Variants in APLF observed in about 807,000 individuals in gnomAD.
APLF encodes aprataxin and PNKP like factor.
A neutral mutation model predicts 55.6 loss-of-function variants in APLF; 61 were observed. The ratio of observed to expected loss-of-function variants is 1.10; its 90% CI spans 0.89 to 1.36. APLF has a LOEUF of 1.36. APLF is among the 40% of genes most tolerant of loss of function. APLF has a pLI of 0.00. For synonymous variants in APLF, 207 were observed against 214.8 expected (o/e 0.96, Z 0.32); for missense variants, 611 against 602.5 (o/e 1.01, Z -0.15).
chr2:68,538,201 C>T lies in APLF; in HGVS notation c.1134C>T (p.Ser378=), dbSNP rs1186164558. ...AAGGAAACAAGGTCAAGAGGACATC[C>T]TGCATGTATGGGGCAAACTGCTATA... ...GSEGNKVKRT[S]CMYGANCYRK... Residue 378 remains serine, a synonymous_variant, in exon 7 of 10, where the codon TCC becomes TCT. Transcript: ENST00000303795. The T allele has an allele frequency of 6.2e-7, 1 of 1,607,822 alleles. No homozygotes were observed. Among genetic ancestry groups the T allele is most frequent in the Admixed American group, 1.7e-5 (1 of 58,350 alleles).
intron 8 of APLF, chr2:68,563,446 C>T (rs1302874658): frequency 1.3e-6 from 1 of 796,150 alleles, no homozygotes; most frequent in Non-Finnish European, 1.5e-6. Context: ...GCGAGTGCAA[C>T]TGGGAATGTT....
chr2:68,557,837 G>C (rs190163940), intron 8 of APLF, among the ~76,000 whole-genome samples: 4 of 152,138 alleles, frequency 2.6e-5, no homozygotes, highest in Admixed American at 1.3e-4. Context: ...CTTGAACCCG[G>C]GAGGTGGAGG....
chr2:68,485,448 C>T (rs1297981460), intron 1 of APLF, among the ~76,000 whole-genome samples: 1 of 152,094 alleles, frequency 6.6e-6, no homozygotes, highest in African/African-American at 2.4e-5. Context: ...AGTTTGTCCT[C>T]CTGTGGTGAT....
chr2:68,521,437 T>G (rs1244425458), intron 5 of APLF, among the ~76,000 whole-genome samples: 1 of 151,868 alleles, frequency 6.6e-6, no homozygotes, highest in Admixed American at 6.6e-5. Context: ...AGTTCTAATT[T>G]ATTTTATTTT....
intron 1 of APLF, among the ~76,000 whole-genome samples, chr2:68,469,157 G>A (rs561942133): frequency 1.3e-5 from 2 of 151,962 alleles, no homozygotes; most frequent in South Asian, 2.1e-4. Context: ...TTTTTTCATC[G>A]TTTGTTGGCC....
chr2:68,469,325 T>C (rs79743037), intron 1 of APLF, among the ~76,000 whole-genome samples: 3,882 of 152,182 alleles, frequency 0.026, 66 homozygotes, highest in South Asian at 0.043. Flanking sequence ...GTACTGTGGG[T>C]CTGGTTAAAA....
intron 9 of APLF, among the ~76,000 whole-genome samples, chr2:68,576,918 T>A (rs1671640516): frequency 6.6e-6 from 1 of 152,268 alleles, no homozygotes; most frequent in East Asian, 1.9e-4. Flanking sequence ...GTTTCTTAAA[T>A]GTTCCACACT....
intron 8 of APLF, among the ~76,000 whole-genome samples, chr2:68,545,804 T>A (rs1670688225): frequency 6.6e-6 from 1 of 152,202 alleles, no homozygotes; most frequent in African/African-American, 2.4e-5. Flanking sequence ...AGGATTTATC[T>A]CATGAGATTA....
At chr2:68,569,822 G>A (rs2104073897) in intron 9 of APLF, among the ~76,000 whole-genome samples, 1 of 152,232 alleles carries the variant, frequency 6.6e-6, no homozygotes, top group South Asian at 2.1e-4. Context: ...TGAGGTAAAT[G>A]AAGTCAGGAT....
At chr2:68,543,179 C>T (rs1042376945) in intron 7 of APLF, among the ~76,000 whole-genome samples, 12 of 152,184 alleles carry the variant, frequency 7.9e-5, no homozygotes, top group South Asian at 6.2e-4. Context: ...CCGGGGAGGA[C>T]AGGAGGAGCT....
chr2:68,498,540 C>T (rs1434518236), intron 2 of APLF, among the ~76,000 whole-genome samples: 2 of 152,190 alleles, frequency 1.3e-5, no homozygotes, highest in Non-Finnish European at 2.9e-5. Flanking sequence ...ACAAAAAATG[C>T]TGTAGCTCTC....
chr2:68,477,187 T>C (rs948243694), intron 1 of APLF, among the ~76,000 whole-genome samples: 1 of 152,230 alleles, frequency 6.6e-6, no homozygotes, highest in African/African-American at 2.4e-5. Flanking sequence ...AAATTCACTG[T>C]AATACATACT....
chr2:68,541,902 A>G (rs910195105), intron 7 of APLF, among the ~76,000 whole-genome samples: 1 of 152,226 alleles, frequency 6.6e-6, no homozygotes, highest in African/African-American at 2.4e-5. Flanking sequence ...TTACAAAGCC[A>G]CAGTAATCCA....
At position 68,529,011 on chromosome 2, in the gene APLF, T is replaced by C; in HGVS notation, c.804+2769T>C. The C allele has an allele frequency of 4.7e-6, 7 of 1,504,042 alleles. No individual in the cohort carries two copies. The highest frequency in any genetic ancestry group is 1.2e-5 in the South Asian group (1 of 83,342). 93.2% of individuals were successfully genotyped at this position (1,504,042 alleles called of 1,614,324 possible). On this transcript the variant is annotated intron_variant, in intron 6 of 9. Coordinates refer to ENST00000303795, the MANE Select transcript of APLF (RefSeq NM_173545.3). The surrounding 1 kb of genome is among the most constrained non-coding windows in gnomAD (Gnocchi z 4.4). ...GTTGCTTCTTTGGGCTCTTCTGCCC[T>C]CACCTCCATTTTCGGGAGCCTGGCT...
intron 6 of APLF, among the ~76,000 whole-genome samples, chr2:68,527,220 G>A (rs1670087485): frequency 1.3e-5 from 2 of 151,704 alleles, no homozygotes; most frequent in African/African-American, 2.4e-5. Flanking sequence ...TGGGACGGTG[G>A]CCAGGCAGAG....
chr2:68,557,966 T>A (rs958132670), intron 8 of APLF, among the ~76,000 whole-genome samples: 2 of 152,122 alleles, frequency 1.3e-5, no homozygotes, highest in Non-Finnish European at 2.9e-5. Flanking sequence ...TTATAGGTTC[T>A]GCATATATAG....
intron 8 of APLF, among the ~76,000 whole-genome samples, chr2:68,551,805 T>C (rs934390106): frequency 5.3e-5 from 8 of 151,820 alleles, no homozygotes; most frequent in African/African-American, 1.9e-4. Context: ...TCTTTGTGTC[T>C]AGCAACGCTT....
intron 7 of APLF, among the ~76,000 whole-genome samples, chr2:68,540,537 T>A (rs1172508952): frequency 6.6e-6 from 1 of 152,138 alleles, no homozygotes; most frequent in African/African-American, 2.4e-5. Flanking sequence ...GTAATGGGAT[T>A]ACTGGGTCAA....
At chr2:68,548,893 A>G (rs1262028623) in intron 8 of APLF, among the ~76,000 whole-genome samples, 1 of 151,902 alleles carries the variant, frequency 6.6e-6, no homozygotes, top group Admixed American at 6.6e-5. Flanking sequence ...ACCACTTGCT[A>G]CCCCATCCCT....
Sources: allele counts gnomAD v4.1 joint callset (sites outside exome capture counted in the v4.1 genomes callset), GRCh38; gene constraint gnomAD v4.1.1; non-coding constraint Gnocchi (gnomAD v3.1); transcripts MANE v1.5; gene names NCBI Gene and HGNC (gene_info 2026-07-23, HGNC 2026-07-21).